Variants in UXS1 observed in about 807,000 individuals in gnomAD.
UXS1 encodes the protein UDP-glucuronate decarboxylase 1.
Under a neutral mutation model 62.6 loss-of-function variants are expected in UXS1, and 33 were observed. The ratio of observed to expected loss-of-function variants is 0.53; its 90% CI spans 0.40 to 0.70. The LOEUF (loss-of-function observed/expected upper bound fraction) is 0.70. Ranked by LOEUF, UXS1 falls within the 30% of genes least tolerant of loss-of-function variation. The pLI, the probability that UXS1 is intolerant of heterozygous loss-of-function variation, is 0.00. For missense variants in UXS1, 434 were observed against 556.3 expected (o/e 0.78, Z 2.21); for synonymous variants, 213 against 206.8 (o/e 1.03, Z -0.26).
chr2:106,109,387 G>C (rs1441280968), intron 10 of UXS1, among the ~76,000 whole-genome samples: 2 of 152,198 alleles, frequency 1.3e-5, no homozygotes, highest in East Asian at 3.9e-4. Context: ...ATTGGTCTTA[G>C]AAGTATGATT....
chr2:106,169,501 G>A (rs868103488), intron 1 of UXS1, among the ~76,000 whole-genome samples: 1 of 152,036 alleles, frequency 6.6e-6, no homozygotes, highest in Non-Finnish European at 1.5e-5. Context: ...GTTTGAGGCC[G>A]GCCTGCGCAA....
At chr2:106,184,385 A>G (rs1031657340) in intron 1 of UXS1, among the ~76,000 whole-genome samples, 1 of 152,158 alleles carries the variant, frequency 6.6e-6, no homozygotes, top group African/African-American at 2.4e-5. Context: ...CCTATTCAAC[A>G]TATCTATTTG....
chr2:106,116,566 C>T (rs935202036), intron 9 of UXS1, among the ~76,000 whole-genome samples: 1 of 152,232 alleles, frequency 6.6e-6, no homozygotes, highest in East Asian at 1.9e-4. Flanking sequence ...GTCCATGTCA[C>T]TGTCCTTGGA....
Position 106,096,833 on chromosome 2 carries a change from A to G in UXS1, c.1043-12T>C, listed in dbSNP as rs1466478368. 6.4e-7 allele frequency: 1 copy of G among 1,565,958 alleles called. No homozygotes were observed. The highest frequency in any genetic ancestry group is 2.3e-5 in the East Asian group (1 of 42,774). On this transcript the variant is annotated splice_polypyrimidine_tract_variant and intron_variant, in intron 13 of 14. Coordinates refer to ENST00000283148, the MANE Select transcript of UXS1 (RefSeq NM_001253875.2). ...TTCACTTCCGCTACCTGAGATGTTT[A>G]AAGAAAAAAAAGGTAGGAGAGAATC...
At chr2:106,143,412 A>AAAAAAAAAC in intron 6 of UXS1, among the ~76,000 whole-genome samples, 1 of 95,366 alleles carries the variant, frequency 1.0e-5, no homozygotes, top group Non-Finnish European at 2.2e-5. Flanking sequence ...CCGTCTCAAA[A>AAAAAAAAAC]AAAAAAAAAA....
intron 4 of UXS1, among the ~76,000 whole-genome samples, chr2:106,160,947 A>G (rs1290811271): frequency 1.3e-5 from 2 of 152,174 alleles, no homozygotes; most frequent in Non-Finnish European, 2.9e-5. Flanking sequence ...TATACTCCTC[A>G]CTTCTTCGAG....
intron 4 of UXS1, among the ~76,000 whole-genome samples, chr2:106,161,246 G>A (rs1227253451): frequency 6.6e-6 from 1 of 151,824 alleles, no homozygotes; most frequent in Non-Finnish European, 1.5e-5. Flanking sequence ...CAGATGGAGT[G>A]TAGCGGCATA....
At position 106,101,062 on chromosome 2, in the gene UXS1, T is replaced by G; in HGVS notation, c.980A>C (p.Asn327Thr). 1 of 1,613,814 alleles carries G rather than the reference T, an allele frequency of 6.2e-7. No individual in the cohort carries two copies. The change falls in exon 12 of 15, where the codon AAC becomes ACC. Residue 327 changes from asparagine to threonine, a missense_variant. Asn to Thr is a moderately conservative substitution (Grantham distance 65). Around this residue, in one of 3 missense-constraint regions of UXS1, gnomAD observed 209 missense variants for 233.3 expected, o/e 0.90. Coordinates refer to ENST00000283148, the MANE Select transcript of UXS1 (RefSeq NM_001253875.2). ...LMNSNVSSPV[N>T]LGNPEEHTIL... Reference sequence around the variant, plus strand: ...TGGAGGGAGAGGAGCACTCACCAGGTTGACCGGGCTGCTGACGTTGCTGTT... The same window carrying G: ...TGGAGGGAGAGGAGCACTCACCAGGGTGACCGGGCTGCTGACGTTGCTGTT...
At chr2:106,107,741 A>T (rs1460532806) in intron 10 of UXS1, among the ~76,000 whole-genome samples, 2 of 152,218 alleles carry the variant, frequency 1.3e-5, no homozygotes, top group African/African-American at 4.8e-5. Context: ...AAGGAGAGTT[A>T]CGACTGTGGG....
chr2:106,107,633 T>C (rs1257611965), intron 10 of UXS1, among the ~76,000 whole-genome samples: 3 of 152,134 alleles, frequency 2.0e-5, no homozygotes, highest in Non-Finnish European at 4.4e-5. Context: ...TATCACTTAA[T>C]CCCAAAGGGC....
intron 9 of UXS1, among the ~76,000 whole-genome samples, chr2:106,118,663 T>C (rs1679262034): frequency 6.6e-6 from 1 of 152,206 alleles, no homozygotes; most frequent in African/African-American, 2.4e-5. Flanking sequence ...CTTCTCTTTT[T>C]CTAAGGGGTG....
intron 9 of UXS1, among the ~76,000 whole-genome samples, chr2:106,114,866 T>C (rs1364276547): frequency 1.3e-5 from 2 of 152,212 alleles, no homozygotes; most frequent in African/African-American, 4.8e-5. Flanking sequence ...TCATGAAGCC[T>C]AAACTCCTTA....
intron 13 of UXS1, 126 bp from the exon 14 acceptor site, chr2:106,096,947 G>A: frequency 1.0e-6 from 1 of 956,856 alleles, no homozygotes; most frequent in Non-Finnish European, 1.6e-6. Flanking sequence ...TGGAAATGCA[G>A]TTCTCTGAGA....
At chr2:106,162,155 C>T (rs866228235) in intron 4 of UXS1, among the ~76,000 whole-genome samples, 6 of 152,124 alleles carry the variant, frequency 3.9e-5, no homozygotes, top group Non-Finnish European at 7.3e-5. Context: ...ACCTGAAGGA[C>T]GGAACCATTC....
intron 10 of UXS1, among the ~76,000 whole-genome samples, chr2:106,110,906 AG>A (rs1678537406): frequency 6.6e-6 from 1 of 152,220 alleles, no homozygotes; most frequent in Admixed American, 6.5e-5. Context: ...AGCATCAAGA[AG>A]GTTCCCTTAA....
chr2:106,110,924 G>A (rs1413802093), intron 10 of UXS1, among the ~76,000 whole-genome samples: 1 of 152,196 alleles, frequency 6.6e-6, no homozygotes, highest in African/African-American at 2.4e-5. Flanking sequence ...TTAAGGAGAG[G>A]ATGAATGAAC....
intron 9 of UXS1, among the ~76,000 whole-genome samples, chr2:106,120,498 G>A (rs1447989362): frequency 6.6e-6 from 1 of 152,212 alleles, no homozygotes; most frequent in Non-Finnish European, 1.5e-5. Context: ...CCAGAGGTGG[G>A]CCTTCCTCGG....
intron 9 of UXS1, among the ~76,000 whole-genome samples, chr2:106,120,134 T>C (rs544504355): frequency 6.6e-6 from 1 of 152,320 alleles, no homozygotes; most frequent in South Asian, 2.1e-4. Context: ...GAGGGGCTTG[T>C]GGCCTTGGAC....
intron 5 of UXS1, among the ~76,000 whole-genome samples, chr2:106,151,533 G>T (rs1682017357): frequency 6.6e-6 from 1 of 152,046 alleles, no homozygotes; most frequent in South Asian, 2.1e-4. Flanking sequence ...CAGCAAGAAT[G>T]CCCCTTGATA....
Sources: gnomAD v4.1 joint callset for allele counts (sites outside exome capture counted in the v4.1 genomes callset) on GRCh38, gnomAD v4.1.1 for gene constraint, gnomAD v4.1.1 regional missense constraint, MANE v1.5 for transcripts, NCBI Gene and HGNC (gene_info 2026-07-23, HGNC 2026-07-21) for gene names.